Variants in TBL1X observed in about 807,000 individuals in gnomAD.
TBL1X encodes transducin beta like 1 X-linked.
Under a neutral mutation model 50.7 loss-of-function variants are expected in TBL1X, and 10 were observed. That is an observed-to-expected ratio of 0.20 (90% CI 0.12 to 0.33). TBL1X has a LOEUF of 0.33. Ranked by LOEUF, TBL1X falls within the 10% of genes least tolerant of loss-of-function variation. The probability of loss-of-function intolerance (pLI) is 1.00; values close to 1 mark genes in which losing one functional copy is unlikely to be tolerated. For synonymous variants in TBL1X, 190 were observed against 214.7 expected (o/e 0.88, Z 1.01); for missense variants, 340 against 504.4 (o/e 0.67, Z 3.12).
chrX:9,620,112 T>C (rs1437302383), intron 2 of TBL1X, among the ~76,000 whole-genome samples: 1 of 112,033 alleles, frequency 8.9e-6, no homozygotes, highest in Non-Finnish European at 1.9e-5. Context: ...GCTCTACCCA[T>C]GTAAGTTGGG....
intron 1 of TBL1X, among the ~76,000 whole-genome samples, chrX:9,494,579 AAG>A (rs1290044894): frequency 8.9e-6 from 1 of 112,152 alleles, no homozygotes; most frequent in Non-Finnish European, 1.9e-5. Flanking sequence ...TTCAAAAAAA[AAG>A]TTTTTTTAAA....
chrX:9,711,528 T>A, intron 15 of TBL1X, 83 bp from the exon 16 acceptor site: 7 of 934,291 alleles, frequency 7.5e-6, no homozygotes, highest in South Asian at 4.0e-5. Context: ...GAAAAACAAC[T>A]CCTGGAGATC....
intron 2 of TBL1X, among the ~76,000 whole-genome samples, chrX:9,556,623 AT>A (rs2082301650): frequency 9.1e-6 from 1 of 109,540 alleles, no homozygotes; most frequent in East Asian, 2.9e-4. Flanking sequence ...TCCAGCCTGG[AT>A]GACAGAACAA....
At position 9,691,726 on chromosome X, in the gene TBL1X, G is replaced by T. The variant is rs2301675; in HGVS notation, c.749+15G>T. ...CTAGCCTCCGGGTAAGGATGTCAGG[G>T]TGGGGGGCGCTCCAGAGTTGGGGAG... On this transcript the variant is annotated intron_variant, in intron 8 of 17. Transcript: ENST00000645353. 1.1e-3 allele frequency: 1,380 copies of T among 1,205,281 alleles called. 6 individuals carry two copies. Among genetic ancestry groups the T allele is most frequent in the South Asian group, 7.4e-3 (419 of 56,389 alleles).
chrX:9,550,819 G>A (rs773384181), intron 2 of TBL1X, among the ~76,000 whole-genome samples: 2 of 112,023 alleles, frequency 1.8e-5, no homozygotes, highest in East Asian at 5.6e-4. Context: ...TTCTCAACCA[G>A]GGCAGTTGTG....
At chrX:9,499,923 A>C (rs909638184) in intron 1 of TBL1X, among the ~76,000 whole-genome samples, 18 of 109,068 alleles carry the variant, frequency 1.7e-4, no homozygotes, top group African/African-American at 4.4e-4. Flanking sequence ...GGTTGCAGTG[A>C]GCTGAGATCA....
chrX:9,478,777 C>A (rs2081863316), intron 1 of TBL1X, among the ~76,000 whole-genome samples: 1 of 112,157 alleles, frequency 8.9e-6, no homozygotes, highest in Admixed American at 9.4e-5. Flanking sequence ...TTAAAATTTT[C>A]TTTTCTCTGA....
At chrX:9,510,523 C>T (rs1166787879) in intron 2 of TBL1X, among the ~76,000 whole-genome samples, 1 of 86,918 alleles carries the variant, frequency 1.2e-5, no homozygotes, top group Non-Finnish European at 2.5e-5. Context: ...CCCACGGGGC[C>T]GTGTCCAGAC....
chrX:9,691,031 C>T (rs927896568), intron 7 of TBL1X, among the ~76,000 whole-genome samples: 1 of 112,097 alleles, frequency 8.9e-6, no homozygotes, highest in Non-Finnish European at 1.9e-5. Flanking sequence ...AGGTGTGAGC[C>T]ACTGCACTTA....
chrX:9,525,416 G>T (rs1435979672), intron 2 of TBL1X, among the ~76,000 whole-genome samples: 2 of 111,976 alleles, frequency 1.8e-5, no homozygotes, highest in Non-Finnish European at 3.8e-5. Flanking sequence ...CTCCATAAGA[G>T]AAGTGAACAC....
At chrX:9,670,507 T>C (rs182609871) in intron 5 of TBL1X, among the ~76,000 whole-genome samples, 1,633 of 112,052 alleles carry the variant, frequency 0.015, 39 homozygotes, top group African/African-American at 0.05. Flanking sequence ...TTATTACAAT[T>C]CCCCTGTCTT....
chrX:9,479,937 A>AGTGTGTGTGTGTGTGTGTGTGT (rs1353868118), intron 1 of TBL1X, among the ~76,000 whole-genome samples: 675 of 37,889 alleles, frequency 0.018, 10 homozygotes, highest in African/African-American at 0.049. Context: ...AGGAAAGTAG[A>AGTGTGTGTGTGTGTGTGTGTGT]ATGTGTGTGT....
At chrX:9,599,669 G>A (rs1000586157) in intron 2 of TBL1X, among the ~76,000 whole-genome samples, 53 of 112,277 alleles carry the variant, frequency 4.7e-4, no homozygotes, top group African/African-American at 1.7e-3. Context: ...CTTATACAAG[G>A]CTCTGGCCAT....
chrX:9,598,631 A>G (rs748996322), intron 2 of TBL1X, among the ~76,000 whole-genome samples: 1 of 112,234 alleles, frequency 8.9e-6, no homozygotes, highest in Admixed American at 9.4e-5. Flanking sequence ...CCACGTGCAT[A>G]AGTTTGTTGT....
At chrX:9,557,844 G>A (rs1181624067) in intron 2 of TBL1X, among the ~76,000 whole-genome samples, 1 of 111,942 alleles carries the variant, frequency 8.9e-6, no homozygotes, top group African/African-American at 3.2e-5. Context: ...TGGAGAACCC[G>A]CTTAATAAAT....
chrX:9,487,921 C>T (rs1177211443), intron 1 of TBL1X, among the ~76,000 whole-genome samples: 2 of 110,811 alleles, frequency 1.8e-5, no homozygotes, highest in Non-Finnish European at 3.8e-5. Context: ...CTGTTTTCTA[C>T]GGCGTCCCCA....
intron 5 of TBL1X, among the ~76,000 whole-genome samples, chrX:9,662,764 C>T (rs1473461134): frequency 9.0e-6 from 1 of 111,534 alleles, no homozygotes; most frequent in Non-Finnish European, 1.9e-5. Flanking sequence ...CAAGCTTGGA[C>T]AACGTAGCAA....
At chrX:9,690,594 C>G (rs1478843664) in intron 7 of TBL1X, among the ~76,000 whole-genome samples, 1 of 111,918 alleles carries the variant, frequency 8.9e-6, no homozygotes, top group Non-Finnish European at 1.9e-5. Context: ...ATTGGGGCTT[C>G]AAGATATGAA....
chrX:9,679,162 A>G (rs2083011210), intron 5 of TBL1X, among the ~76,000 whole-genome samples: 1 of 108,770 alleles, frequency 9.2e-6, no homozygotes, highest in East Asian at 2.9e-4. Context: ...CCAAGAACCA[A>G]GCAGAAATGT....
Sources: gnomAD v4.1 joint callset for allele counts (sites outside exome capture counted in the v4.1 genomes callset) on GRCh38, gnomAD v4.1.1 for gene constraint, MANE v1.5 for transcripts, NCBI Gene and HGNC (gene_info 2026-07-23, HGNC 2026-07-21) for gene names.